Variants in CHST8 observed in about 807,000 individuals in gnomAD.
The protein encoded by CHST8 is carbohydrate sulfotransferase 8, also known as GALNAC-4-ST1.
In CHST8, 10 loss-of-function variants were observed where a neutral mutation model predicts 15.0. The observed-to-expected ratio is 0.67, with a 90% CI of 0.41 to 1.13. The LOEUF (loss-of-function observed/expected upper bound fraction) is 1.13. CHST8 is among the 50% of genes most tolerant of loss of function. CHST8 has a pLI of 0.00. For synonymous variants in CHST8, 259 were observed against 256.6 expected (o/e 1.01, Z -0.09); for missense variants, 634 against 608.2 (o/e 1.04, Z -0.45).
At chr19:33,750,450 G>T (rs112636671) in intron 3 of CHST8, among the ~76,000 whole-genome samples, 20 of 152,294 alleles carry the variant, frequency 1.3e-4, no homozygotes, top group African/African-American at 4.6e-4. Context: ...AGCCACCAGA[G>T]TTGGCACATC....
At chr19:33,656,318 T>C (rs987388225) in intron 1 of CHST8, among the ~76,000 whole-genome samples, 3 of 152,202 alleles carry the variant, frequency 2.0e-5, no homozygotes, top group Non-Finnish European at 4.4e-5. Flanking sequence ...AAAAAACCCA[T>C]TGCTTATTAA....
intron 3 of CHST8, among the ~76,000 whole-genome samples, chr19:33,752,127 G>T (rs1974432754): frequency 6.6e-6 from 1 of 152,110 alleles, no homozygotes; most frequent in Non-Finnish European, 1.5e-5. Flanking sequence ...CGCCTAGCGG[G>T]TATTGGACGC....
intron 3 of CHST8, among the ~76,000 whole-genome samples, chr19:33,698,399 A>AAAAG (rs3073654): frequency 0.019 from 2,541 of 135,812 alleles, 73 homozygotes; most frequent in African/African-American, 0.08. Context: ...AAAAAAAAAA[A>AAAAG]AAAGAAAGAA....
At chr19:33,659,468 G>A (rs1972557038) in intron 1 of CHST8, among the ~76,000 whole-genome samples, 1 of 152,162 alleles carries the variant, frequency 6.6e-6, no homozygotes, top group Admixed American at 6.5e-5. Context: ...GCACAAAAAT[G>A]TGAGAGGGAG....
Position 33,772,003 on chromosome 19 carries a change from CAG to C in CHST8, c.220_221del (p.Arg74GlyfsTer19). 6.2e-7 allele frequency: 1 copy of C among 1,601,062 alleles called. No homozygotes were observed. ...CAGGATGGTGACTTGAAGGAACCCA[CAG>C]AGAGGGTCACTCGGGACTTATCCAG... On this transcript the variant is annotated frameshift_variant, in exon 5 of 5. Transcript: ENST00000650847. LOFTEE classifies it low-confidence loss of function (END_TRUNC).
chr19:33,758,860 T>C (rs532458985), intron 3 of CHST8, among the ~76,000 whole-genome samples: 2 of 152,272 alleles, frequency 1.3e-5, no homozygotes, highest in East Asian at 3.9e-4. Context: ...AGAGGTTTCA[T>C]TGGCTCACGG....
intron 3 of CHST8, among the ~76,000 whole-genome samples, chr19:33,747,098 T>C (rs533980673): frequency 6.6e-6 from 1 of 152,248 alleles, no homozygotes; most frequent in Non-Finnish European, 1.5e-5. Flanking sequence ...CTGGTAAGCA[T>C]ATGTTTGACT....
intron 3 of CHST8, among the ~76,000 whole-genome samples, chr19:33,754,360 T>C (rs953512357): frequency 5.3e-5 from 8 of 151,900 alleles, no homozygotes; most frequent in African/African-American, 1.9e-4. Context: ...CAAACCGTCC[T>C]TGCTACAGCA....
chr19:33,653,131 G>C (rs1484169375), intron 1 of CHST8, among the ~76,000 whole-genome samples: 1 of 152,156 alleles, frequency 6.6e-6, no homozygotes, highest in Non-Finnish European at 1.5e-5. Flanking sequence ...GTGTGTGAGA[G>C]TTCTGTTTTC....
intron 3 of CHST8, among the ~76,000 whole-genome samples, chr19:33,695,301 A>G (rs1973189230): frequency 6.6e-6 from 1 of 152,154 alleles, no homozygotes; most frequent in African/African-American, 2.4e-5. Flanking sequence ...GCCAGCACTC[A>G]CTGGGGCAGA....
chr19:33,640,870 G>A (rs1384546659), intron 1 of CHST8, among the ~76,000 whole-genome samples: 2 of 152,130 alleles, frequency 1.3e-5, no homozygotes, highest in African/African-American at 4.8e-5. Context: ...AGGTGTGGGG[G>A]CTGCTGGGAA....
chr19:33,753,069 G>A (rs901875728), intron 3 of CHST8, among the ~76,000 whole-genome samples: 9 of 152,144 alleles, frequency 5.9e-5, no homozygotes, highest in African/African-American at 2.2e-4. Flanking sequence ...GGGAAGGCTC[G>A]CTTGCATTTG....
chr19:33,728,077 CCA>C (rs753784167), intron 3 of CHST8, among the ~76,000 whole-genome samples: 3 of 152,278 alleles, frequency 2.0e-5, no homozygotes, highest in East Asian at 1.9e-4. Flanking sequence ...CTGTGGCTGT[CCA>C]CACACATGCC....
At chr19:33,650,258 C>G (rs577084047) in intron 1 of CHST8, among the ~76,000 whole-genome samples, 1 of 152,052 alleles carries the variant, frequency 6.6e-6, no homozygotes, top group Non-Finnish European at 1.5e-5. Flanking sequence ...TTTAAGATTT[C>G]TCTGGGTTCC....
chr19:33,660,616 C>T (rs8109223), intron 1 of CHST8, among the ~76,000 whole-genome samples: 37,915 of 152,138 alleles, frequency 0.25, 5,520 homozygotes, highest in African/African-American at 0.37. Flanking sequence ...ACAAATGCCA[C>T]GGCAATGACC....
At chr19:33,702,676 G>T (rs1238606745) in intron 3 of CHST8, among the ~76,000 whole-genome samples, 2 of 152,202 alleles carry the variant, frequency 1.3e-5, no homozygotes, top group Non-Finnish European at 2.9e-5. Context: ...GTGGCCAATT[G>T]TTCCCCAGAG....
intron 1 of CHST8, among the ~76,000 whole-genome samples, chr19:33,665,795 C>T (rs1568319994): frequency 1.3e-5 from 2 of 152,198 alleles, no homozygotes; most frequent in South Asian, 4.1e-4. Context: ...GCAGGCCTTC[C>T]TCAAGCCTGA....
chr19:33,635,398 A>G (rs139736813), intron 1 of CHST8, among the ~76,000 whole-genome samples: 77 of 152,236 alleles, frequency 5.1e-4, no homozygotes, highest in African/African-American at 1.5e-3. Flanking sequence ...CACTGCCACA[A>G]GAGGAGGGAG....
intron 2 of CHST8, among the ~76,000 whole-genome samples, chr19:33,668,619 G>A (rs7250990): frequency 0.23 from 35,208 of 152,068 alleles, 4,416 homozygotes; most frequent in African/African-American, 0.31. Flanking sequence ...CAAGGAGGGA[G>A]GGGAAGAGTT....
Sources: gnomAD v4.1 joint callset for allele counts (sites outside exome capture counted in the v4.1 genomes callset) on GRCh38, gnomAD v4.1.1 for gene constraint, MANE v1.5 for transcripts, NCBI Gene and HGNC (gene_info 2026-07-23, HGNC 2026-07-21) for gene names.